MECR: variants seen among roughly 807,000 people sequenced by gnomAD.
MECR encodes mitochondrial trans-2-enoyl-CoA reductase, also known as enoyl-[acyl-carrier-protein] reductase, mitochondrial.
In MECR, 37 loss-of-function variants were observed where a neutral mutation model predicts 49.1. That is an observed-to-expected ratio of 0.75 (90% confidence interval 0.58 to 0.99). MECR has a LOEUF of 0.99. Ranked by LOEUF, MECR falls within the 50% of genes least tolerant of loss-of-function variation. The pLI is 0.00. For missense variants in MECR, 470 were observed against 479.6 expected (o/e 0.98, Z 0.19); for synonymous variants, 198 against 191.1 (o/e 1.04, Z -0.30).
At chr1:29,209,941 C>T (rs1434789510) in intron 3 of MECR, among the ~76,000 whole-genome samples, 2 of 151,986 alleles carry the variant, frequency 1.3e-5, no homozygotes. Flanking sequence ...TAATCACTAA[C>T]TGTGCTATAG....
chr1:29,196,143 C>T (rs889254308), intron 8 of MECR, 55 bp downstream of exon 8: 4 of 1,608,440 alleles, frequency 2.5e-6, no homozygotes, highest in Non-Finnish European at 3.4e-6. Context: ...GGGATGTGGC[C>T]TGGCTGAGGT....
chr1:29,198,190 C>T (rs1264826250), intron 7 of MECR, among the ~76,000 whole-genome samples: 5 of 152,296 alleles, frequency 3.3e-5, no homozygotes, highest in Admixed American at 2.6e-4. Flanking sequence ...GGTGGCCATG[C>T]TCGCTCACCC....
chr1:29,173,614 A>G, the MECR span: 4 of 143,668 alleles, frequency 2.8e-5, no homozygotes, highest in Non-Finnish European at 6.0e-5. Flanking sequence ...ATACCCAGCT[A>G]ATTTTTGTCT....
downstream of MECR, among the ~76,000 whole-genome samples, chr1:29,188,040 A>T (rs1464338301): frequency 2.0e-5 from 3 of 146,388 alleles, no homozygotes; most frequent in Admixed American, 6.7e-5. Context: ...CTGTCTCAAA[A>T]AAAAAAAAAA....
chr1:29,210,068 T>C (rs1289451342), intron 3 of MECR, among the ~76,000 whole-genome samples: 1 of 151,386 alleles, frequency 6.6e-6, no homozygotes, highest in Non-Finnish European at 1.5e-5. Flanking sequence ...TGGAGTGCAG[T>C]GGCACGATCT....
intron 1 of MECR, chr1:29,220,984 G>A (rs970366535): frequency 3.4e-5 from 29 of 843,674 alleles, no homozygotes; most frequent in African/African-American, 9.2e-5. Context: ...TCAAGTAAAC[G>A]TAATTCAACA....
Position 29,206,844 on chromosome 1 carries a change from G to A in MECR, c.468C>T (p.Ile156=). 2 of 1,614,174 alleles carry A rather than the reference G, an allele frequency of 1.2e-6. No individual in the cohort carries two copies. Among genetic ancestry groups the A allele is most frequent in the Non-Finnish European group, 1.7e-6 (2 of 1,180,032 alleles). ...EEALIQVPSD[I]PLQSAATLGV... The stretch of plus-strand genomic sequence containing the variant: ...CCAGGGTGGCAGCGCTCTGAAGAGG[G>A]ATGTCACTCGGAACTTGGATCAGTG... The change falls in exon 4 of 10, where the codon ATC becomes ATT. Residue 156 remains isoleucine (I), a synonymous_variant. Transcript: ENST00000263702.
the MECR span, chr1:29,171,691 G>A: frequency 6.6e-6 from 1 of 151,930 alleles, no homozygotes; most frequent in Non-Finnish European, 1.5e-5. Context: ...TTCTTCTGAG[G>A]AGCTCAAAGT....
At chr1:29,225,043 C>T (rs1440236216) in intron 1 of MECR, among the ~76,000 whole-genome samples, 1 of 152,184 alleles carries the variant, frequency 6.6e-6, no homozygotes, top group Non-Finnish European at 1.5e-5. Context: ...CAGCTTTCAC[C>T]TTCAGAGGCA....
At chr1:29,183,407 C>CTA in the MECR span, among the ~76,000 whole-genome samples, 1 of 152,134 alleles carries the variant, frequency 6.6e-6, no homozygotes, top group African/African-American at 2.4e-5. Flanking sequence ...CTCTCTCTCT[C>CTA]TATATATATC....
intron 1 of MECR, among the ~76,000 whole-genome samples, chr1:29,220,514 T>C (rs919039001): frequency 1.3e-5 from 2 of 152,230 alleles, no homozygotes; most frequent in Admixed American, 6.5e-5. Flanking sequence ...AAAATACTCC[T>C]GCAAGATGGG....
chr1:29,225,281 G>T (rs902097395), intron 1 of MECR, among the ~76,000 whole-genome samples: 1 of 152,092 alleles, frequency 6.6e-6, no homozygotes, highest in Non-Finnish European at 1.5e-5. Context: ...CACACACCAT[G>T]TTTTCTCTTC....
At chr1:29,217,019 A>G (rs1402128084) in intron 1 of MECR, among the ~76,000 whole-genome samples, 2 of 147,930 alleles carry the variant, frequency 1.4e-5, no homozygotes, top group African/African-American at 5.0e-5. Context: ...CTGTAATCCC[A>G]GCTACTCGGG....
At chr1:29,195,105 T>C (rs1673641671) in intron 9 of MECR, among the ~76,000 whole-genome samples, 1 of 151,996 alleles carries the variant, frequency 6.6e-6, no homozygotes, top group African/African-American at 2.4e-5. Flanking sequence ...AACAGAGCGA[T>C]ACCTTGTTTC....
intron 4 of MECR, among the ~76,000 whole-genome samples, chr1:29,204,735 C>T (rs1398908448): frequency 1.3e-5 from 2 of 152,292 alleles, no homozygotes; most frequent in East Asian, 1.9e-4. Flanking sequence ...TCTGTTACTA[C>T]AGCTGCAGCC....
chr1:29,220,714 T>C (rs998241782), intron 1 of MECR: 1 of 177,334 alleles, frequency 5.6e-6, no homozygotes, highest in African/African-American at 2.4e-5. Flanking sequence ...GTTTGAATCC[T>C]ACCTTGGTCA....
chr1:29,197,043 C>A (rs1182020233), intron 7 of MECR, among the ~76,000 whole-genome samples: 1 of 152,102 alleles, frequency 6.6e-6, no homozygotes, highest in Non-Finnish European at 1.5e-5. Context: ...TTCCTAGGTC[C>A]AATCCCAGAC....
downstream of MECR, among the ~76,000 whole-genome samples, chr1:29,189,879 G>A (rs1673087918): frequency 6.6e-6 from 1 of 152,144 alleles, no homozygotes; most frequent in Non-Finnish European, 1.5e-5. Flanking sequence ...AAACTGCCAC[G>A]ATTCCCTTTT....
the MECR span, among the ~76,000 whole-genome samples, chr1:29,181,266 C>G: frequency 6.6e-6 from 1 of 152,202 alleles, no homozygotes; most frequent in Non-Finnish European, 1.5e-5. Context: ...TCCAGTAGTC[C>G]TCAGAGCGGG....
Sources: gnomAD v4.1 joint callset for allele counts (sites outside exome capture counted in the v4.1 genomes callset) on GRCh38, gnomAD v4.1.1 for gene constraint, MANE v1.5 for transcripts, NCBI Gene and HGNC (gene_info 2026-07-23, HGNC 2026-07-21) for gene names.